KNOP1: variants seen among roughly 807,000 people sequenced by gnomAD.
KNOP1 encodes the protein lysine-rich nucleolar protein 1.
Under a neutral mutation model 30.6 loss-of-function variants are expected in KNOP1, and 20 were observed. The ratio of observed to expected loss-of-function variants is 0.65; its 90% CI spans 0.46 to 0.95. The LOEUF (loss-of-function observed/expected upper bound fraction) is 0.95. Ranked by LOEUF, KNOP1 falls within the 40% of genes least tolerant of loss-of-function variation. The pLI, the probability that KNOP1 is intolerant of heterozygous loss-of-function variation, is 0.00. For missense variants in KNOP1, 540 were observed against 562.0 expected, an observed-to-expected ratio of 0.96 and a Z score of 0.40; for synonymous variants, 204 against 210.0, an observed-to-expected ratio of 0.97 and a Z score of 0.25.
chr16:19,710,439 C>T lies in KNOP1; in HGVS notation c.1065+70G>A, dbSNP rs1206073489. 2.0e-6 allele frequency: 3 copies of T among 1,493,584 alleles called. No individual in the cohort carries two copies. The Admixed American group carries it at 5.0e-5, about 25-fold the overall frequency. The allele number at this position is 1,493,584 out of a possible 1,614,324, so 92.5% of individuals were successfully genotyped here. A position where few individuals can be genotyped will look rare whatever the true frequency, so the allele number is the denominator to read the frequency against. ...TGGTTCTCCTGCTCCACTCCTCATGCTGGAGGCGAGGGGAAGCGTCGGGAG... is the reference window on the plus strand; with the variant it reads ...TGGTTCTCCTGCTCCACTCCTCATGTTGGAGGCGAGGGGAAGCGTCGGGAG... On this transcript the variant is annotated intron_variant, in intron 4 of 4. Transcript: ENST00000219837.
rs550794692 is a variant in KNOP1 at position 19,714,796 on chromosome 16, C to T, written c.240G>A (p.Glu80=). 41 of 1,614,062 alleles carry T rather than the reference C, an allele frequency of 2.5e-5. No individual in the cohort carries two copies. Among genetic ancestry groups the T allele is most frequent in the African/African-American group, 8.0e-5 (6 of 74,918 alleles). The change falls in exon 2 of 5, where the codon GAG becomes GAA. Residue 80 remains glutamate, a synonymous_variant. Transcript: ENST00000219837. The part of the protein sequence containing the change: ...KKKGVSTLCE[E]HVEPETTLPA... Reference sequence around the variant, plus strand: ...GCAGCGTGGTCTCAGGTTCTACATGCTCCTCGCAAAGGGTGCTGACACCCT... The same window carrying T: ...GCAGCGTGGTCTCAGGTTCTACATGTTCCTCGCAAAGGGTGCTGACACCCT...
intron 1 of KNOP1, chr16:19,717,646 A>C: frequency 6.1e-6 from 6 of 986,116 alleles, no homozygotes; most frequent in Non-Finnish European, 7.2e-6. Flanking sequence ...GTTACAGTGC[A>C]TCTCCTGCAA....
At position 19,706,916 on chromosome 16, in the gene KNOP1, T is replaced by G. The variant is rs1192200476; in HGVS notation, c.1371A>C (p.Glu457Asp). The G allele has an allele frequency of 2.0e-5, 33 of 1,612,330 alleles. No homozygotes were observed. The highest frequency in any genetic ancestry group is 2.8e-5 in the Non-Finnish European group (33 of 1,179,942). Residue 457 changes from glutamate (E) to aspartate (D), a missense_variant, in exon 5 of 5, where the codon GAA becomes GAC. Physicochemically the swap from Glu to Asp is conservative, Grantham distance 45. Coordinates refer to ENST00000219837, the MANE Select transcript of KNOP1 (RefSeq NM_001012991.3). ...DRNASKSVKL[E>D]D ...GGGGACAAAACTCTAGAGTTTAATC[T>G]TCCAGCTTGACTGACTTGGAAGCGT...
chr16:19,707,199 T>C lies in KNOP1; in HGVS notation c.1088A>G (p.Asp363Gly), dbSNP rs764121998. 3.7e-6 allele frequency: 6 copies of C among 1,613,138 alleles called. No individual in the cohort carries two copies. The African/African-American group carries it at 6.7e-5, about 18-fold the overall frequency. Residue 363 changes from aspartate to glycine, a missense_variant, in exon 5 of 5, where the codon GAT (aspartate) becomes GGT (glycine). Coordinates refer to ENST00000219837, the MANE Select transcript of KNOP1 (RefSeq NM_001012991.3). Reference sequence around the variant, plus strand: ...GTCCTCGTTCTCAAAACCAGCAGTATCCCACTGGCCAAACTGGGTTCCCTG... The same window carrying C: ...GTCCTCGTTCTCAAAACCAGCAGTACCCCACTGGCCAAACTGGGTTCCCTG... ...KWTGTQFGQWDTAGFENEDQK... is the reference protein window; with the variant it reads ...KWTGTQFGQWGTAGFENEDQK...
intron 4 of KNOP1, 193 bp downstream of exon 4, chr16:19,710,316 A>C: frequency 1.6e-6 from 1 of 637,962 alleles, no homozygotes; most frequent in Non-Finnish European, 2.8e-6. Flanking sequence ...GAGGGAGGCA[A>C]GCGCCCTTTT....
intron 1 of KNOP1, chr16:19,717,624 A>T: frequency 1.0e-6 from 1 of 985,650 alleles, no homozygotes; most frequent in Non-Finnish European, 1.2e-6. Flanking sequence ...TTCAAGGAGA[A>T]AGGAAAAGAA....
At chr16:19,711,223 G>C (rs2151648814) in intron 3 of KNOP1, 149 bp downstream of exon 3, 1 of 747,288 alleles carries the variant, frequency 1.3e-6, no homozygotes, top group Non-Finnish European at 2.3e-6. Flanking sequence ...CCCGGCCCGG[G>C]AGGTGTGCGT....
Position 19,714,353 on chromosome 16 carries a change from T to C in KNOP1, c.683A>G (p.His228Arg), listed in dbSNP as rs1307187334. 2 of 1,613,674 alleles carry C rather than the reference T, an allele frequency of 1.2e-6. No individual in the cohort carries two copies. Among genetic ancestry groups the C allele is most frequent in the African/African-American group, 1.3e-5 (1 of 74,888 alleles). Residue 228 changes from histidine to arginine, a missense_variant, in exon 2 of 5, where the codon CAC becomes CGC. Coordinates refer to ENST00000219837, the MANE Select transcript of KNOP1 (RefSeq NM_001012991.3). Reference sequence around the variant, plus strand: ...CTCCATGGACCTGGAGGGCTTGGAGTGGCCTGGGAGGGCATCTCCCTCCTG... The same window carrying C: ...CTCCATGGACCTGGAGGGCTTGGAGCGGCCTGGGAGGGCATCTCCCTCCTG... ...IHQEGDALPG[H>R]SKPSRSMESS... is the part of the protein sequence containing the mutation.
chr16:19,716,879 G>A (rs1435095787), intron 1 of KNOP1, among the ~76,000 whole-genome samples: 1 of 152,256 alleles, frequency 6.6e-6, no homozygotes, highest in East Asian at 1.9e-4. Context: ...GTCTGGCTCT[G>A]TTGCCCAGGC....
Position 19,707,127 on chromosome 16 carries a change from G to A in KNOP1, c.1160C>T (p.Ser387Phe), listed in dbSNP as rs778836920. 4.3e-6 allele frequency: 7 copies of A among 1,614,164 alleles called. No individual in the cohort carries two copies. The Admixed American group carries it at 8.3e-5, about 19-fold the overall frequency. The change falls in exon 5 of 5, where the codon TCC becomes TTC. Residue 387 changes from serine (S) to phenylalanine (F), a missense_variant. Ser to Phe is a radical substitution (Grantham distance 155). Coordinates refer to ENST00000219837, the MANE Select transcript of KNOP1 (RefSeq NM_001012991.3). ...GCTGGCGGGGCGGCTGAACGAAGGG[G>A]ACAGGTTTTTGAAGCCACCCATAAG... ...LRLMGGFKNL[S>F]PSFSRPASTI... is the part of the protein sequence containing the mutation.
intron 3 of KNOP1, 125 bp downstream of exon 3, chr16:19,711,247 A>G: frequency 1.1e-6 from 1 of 898,832 alleles, no homozygotes; most frequent in South Asian, 1.4e-5. Context: ...CAGCTGGCCC[A>G]GTGGCCTCTG....
chr16:19,705,169 G>A lies in KNOP1; in HGVS notation c.*1741C>T. 1 of 456,074 alleles carries A rather than the reference G, an allele frequency of 2.2e-6. No individual in the cohort carries two copies. The highest frequency in any genetic ancestry group is 4.4e-6 in the Non-Finnish European group (1 of 226,802). The allele number at this position is 456,074 out of a possible 1,614,324, so 28.3% of individuals were successfully genotyped here. A position where few individuals can be genotyped will look rare whatever the true frequency, so the allele number is the denominator to read the frequency against. ...CTGCCATCTTTGTACTAGCCTTGAT[G>A]AAGCCAACACTGGAGATGATGGAGA... On this transcript the variant is annotated 3_prime_UTR_variant, in exon 5 of 5. Transcript: ENST00000219837.
Position 19,706,714 on chromosome 16 carries a change from C to T in KNOP1, c.*196G>A, listed in dbSNP as rs535773964. On this transcript the variant is annotated 3_prime_UTR_variant, in exon 5 of 5. Transcript: ENST00000219837. ...TGTGAGCCAACTGTCAGATGGCTTT[C>T]ATTTGCACAACTGAATAAACCATTT... 1.6e-5 allele frequency: 10 copies of T among 634,758 alleles called. No homozygotes were observed. The highest frequency in any genetic ancestry group is 2.5e-5 in the Non-Finnish European group (9 of 366,886). The allele number at this position is 634,758 out of a possible 1,614,324, so 39.3% of individuals were successfully genotyped here.
intron 3 of KNOP1, 151 bp downstream of exon 3, chr16:19,711,221 G>A (rs1251109621): frequency 1.1e-5 from 8 of 742,520 alleles, no homozygotes; most frequent in East Asian, 2.5e-5. Flanking sequence ...TTCCCGGCCC[G>A]GGAGGTGTGC....
chr16:19,712,493 T>C (rs1296715186), intron 2 of KNOP1, among the ~76,000 whole-genome samples: 1 of 152,206 alleles, frequency 6.6e-6, no homozygotes, highest in African/African-American at 2.4e-5. Flanking sequence ...AGATGGTTTC[T>C]GAGAAGGGAT....
Position 19,705,153 on chromosome 16 carries a change from T to G in KNOP1, c.*1757A>C. ...CTGCCTGGAACTGTTACTGCCATCT[T>G]TGTACTAGCCTTGATGAAGCCAACA... is the stretch of plus-strand genomic sequence containing the variant. On this transcript the variant is annotated 3_prime_UTR_variant, in exon 5 of 5. Transcript: ENST00000219837. The G allele has an allele frequency of 2.2e-6, 1 of 456,006 alleles. No individual in the cohort carries two copies. The highest frequency in any genetic ancestry group is 4.4e-6 in the Non-Finnish European group (1 of 226,774). 28.2% of individuals were successfully genotyped at this position (456,006 alleles called of 1,614,324 possible).
intron 2 of KNOP1, among the ~76,000 whole-genome samples, chr16:19,712,657 G>A (rs1182821642): frequency 6.6e-6 from 1 of 152,116 alleles, no homozygotes; most frequent in African/African-American, 2.4e-5. Context: ...CACCAGACAG[G>A]TAGGAGGATG....
In KNOP1 at chr16:19,707,127, G is replaced by T. The variant is rs778836920; in HGVS notation, c.1160C>A (p.Ser387Tyr). Residue 387 changes from serine (S) to tyrosine (Y), a missense_variant, in exon 5 of 5, where the codon TCC (serine) becomes TAC (tyrosine). Coordinates refer to ENST00000219837, the MANE Select transcript of KNOP1 (RefSeq NM_001012991.3). ...LRLMGGFKNL[S>Y]PSFSRPASTI... Reference sequence around the variant, plus strand: ...GCTGGCGGGGCGGCTGAACGAAGGGGACAGGTTTTTGAAGCCACCCATAAG... The same window carrying T: ...GCTGGCGGGGCGGCTGAACGAAGGGTACAGGTTTTTGAAGCCACCCATAAG... The T allele has an allele frequency of 2.0e-5, 33 of 1,614,164 alleles. No individual in the cohort carries two copies. The highest frequency in any genetic ancestry group is 2.6e-5 in the Non-Finnish European group (31 of 1,180,026).
chr16:19,709,827 G>A (rs187871799), intron 4 of KNOP1, among the ~76,000 whole-genome samples: 4 of 152,218 alleles, frequency 2.6e-5, no homozygotes, highest in South Asian at 4.1e-4. Flanking sequence ...TCTCCTGACC[G>A]CTACTGCCAC....
Sources: allele counts gnomAD v4.1 joint callset (sites outside exome capture counted in the v4.1 genomes callset), GRCh38; gene constraint gnomAD v4.1.1; transcripts MANE v1.5; gene names NCBI Gene and HGNC (gene_info 2026-07-23, HGNC 2026-07-21).